MAD1L1: variants seen among roughly 807,000 people sequenced by gnomAD.
The protein encoded by MAD1L1 is mitotic arrest deficient 1 like 1, also known as mitotic spindle assembly checkpoint protein MAD1.
MAD1L1 carries 95 observed loss-of-function variants against 96.9 expected under a neutral mutation model. The observed-to-expected ratio is 0.98, with a 90% confidence interval of 0.83 to 1.16. The LOEUF is 1.16. Ranked by LOEUF, MAD1L1 falls within the 50% of genes most tolerant of loss-of-function variation. MAD1L1 has a pLI of 0.00. For synonymous variants in MAD1L1, 473 were observed against 396.6 expected (o/e 1.19, Z -2.29); for missense variants, 1,007 against 954.4 (o/e 1.06, Z -0.73).
At chr7:2,217,544 G>C (rs1460947178) in intron 7 of MAD1L1, among the ~76,000 whole-genome samples, 1 of 152,188 alleles carries the variant, frequency 6.6e-6, no homozygotes, top group Non-Finnish European at 1.5e-5. Flanking sequence ...GAGGGATCTG[G>C]AGTCAACGTC....
At chr7:2,183,928 T>A (rs1791329376) in intron 10 of MAD1L1, among the ~76,000 whole-genome samples, 1 of 151,080 alleles carries the variant, frequency 6.6e-6, no homozygotes, top group Non-Finnish European at 1.5e-5. Context: ...AAAATAAAAA[T>A]AAAAATAAAA....
Position 2,149,634 on chromosome 7 carries a change from C to G in MAD1L1, c.987-396G>C, listed in dbSNP as rs956136266. ...CCTTCAGAAGACCCACATATAACAA[C>G]AAGAGTAAAATCAGCGATCTCCAGG... On this transcript the variant is annotated intron_variant, in intron 10 of 18. Transcript: ENST00000265854. Among the ~76,000 whole-genome samples, 17 of 152,202 alleles carry G rather than the reference C, an allele frequency of 1.1e-4. 1 individual carries two copies. Among genetic ancestry groups the G allele is most frequent in the African/African-American group, 4.1e-4 (17 of 41,452 alleles).
intron 12 of MAD1L1, among the ~76,000 whole-genome samples, chr7:2,037,381 T>C (rs928544340): frequency 2.6e-5 from 4 of 152,236 alleles, no homozygotes; most frequent in Non-Finnish European, 1.5e-5. Context: ...TCTCCTGGAC[T>C]ACACAGATAC....
intron 12 of MAD1L1, among the ~76,000 whole-genome samples, chr7:2,041,313 C>T (rs565803358): frequency 3.9e-5 from 6 of 152,134 alleles, no homozygotes; most frequent in East Asian, 1.9e-4. Context: ...TCTCAAGGAC[C>T]GAGAGCCAAC....
chr7:1,948,154 C>A (rs1215361296), intron 16 of MAD1L1, among the ~76,000 whole-genome samples: 5 of 152,098 alleles, frequency 3.3e-5, no homozygotes, highest in African/African-American at 1.2e-4. Context: ...GGGAGTGGCC[C>A]GGGGTCACAG....
intron 18 of MAD1L1, among the ~76,000 whole-genome samples, chr7:1,857,946 C>A (rs1045328092): frequency 6.6e-6 from 1 of 152,232 alleles, no homozygotes; most frequent in Non-Finnish European, 1.5e-5. Flanking sequence ...TTCCTCCCGT[C>A]CCCAGGGCCG....
At chr7:2,120,066 T>C (rs1159339254) in intron 11 of MAD1L1, among the ~76,000 whole-genome samples, 2 of 152,184 alleles carry the variant, frequency 1.3e-5, no homozygotes, top group Non-Finnish European at 2.9e-5. Flanking sequence ...AGGTGGCACC[T>C]GCCTTTTCAC....
intron 12 of MAD1L1, among the ~76,000 whole-genome samples, chr7:2,041,098 CAGCACCCCCAGA>C (rs1783653168): frequency 6.6e-6 from 1 of 152,198 alleles, no homozygotes; most frequent in South Asian, 2.1e-4. Context: ...GCCTGAGCTA[CAGCACCCCCAGA>C]GTTCCTGTCG....
intron 11 of MAD1L1, among the ~76,000 whole-genome samples, chr7:2,089,877 C>T (rs1786119713): frequency 6.6e-6 from 1 of 152,314 alleles, no homozygotes; most frequent in South Asian, 2.1e-4. Flanking sequence ...GGCTAACACA[C>T]ACCTGCCATG....
chr7:1,927,929 T>G (rs1257429770), intron 17 of MAD1L1, among the ~76,000 whole-genome samples: 1 of 152,064 alleles, frequency 6.6e-6, no homozygotes. Context: ...CAACTTGGAT[T>G]CACCCCAAAC....
chr7:2,188,265 C>T (rs1443445174), intron 10 of MAD1L1, among the ~76,000 whole-genome samples: 4 of 152,228 alleles, frequency 2.6e-5, no homozygotes, highest in Admixed American at 2.6e-4. Flanking sequence ...CAACACCGCC[C>T]AAAGCCATCT....
At chr7:2,036,265 G>T (rs1783430458) in intron 12 of MAD1L1, among the ~76,000 whole-genome samples, 1 of 98,464 alleles carries the variant, frequency 1.0e-5, no homozygotes, top group Non-Finnish European at 2.1e-5. Flanking sequence ...TGACAAGTCG[G>T]GACAGAGCTG....
intron 11 of MAD1L1, among the ~76,000 whole-genome samples, chr7:2,144,870 A>G (rs3800922): frequency 0.28 from 42,951 of 151,996 alleles, 7,530 homozygotes; most frequent in East Asian, 0.52. Flanking sequence ...GCTCCCCTAC[A>G]CTGCCATGAA....
intron 11 of MAD1L1, among the ~76,000 whole-genome samples, chr7:2,075,725 C>T (rs1423231625): frequency 1.3e-5 from 2 of 152,202 alleles, no homozygotes; most frequent in African/African-American, 4.8e-5. Context: ...CCTAAGAATA[C>T]CGACTTTCAA....
intron 18 of MAD1L1, among the ~76,000 whole-genome samples, chr7:1,895,777 C>A (rs1302146965): frequency 6.6e-6 from 1 of 152,230 alleles, no homozygotes; most frequent in Non-Finnish European, 1.5e-5. Context: ...GGCTTCTGAC[C>A]CAGCACATCC....
chr7:2,030,594 A>T (rs1382226245), intron 12 of MAD1L1, among the ~76,000 whole-genome samples: 1 of 152,214 alleles, frequency 6.6e-6, no homozygotes, highest in Non-Finnish European at 1.5e-5. Flanking sequence ...CGGACCCCGC[A>T]GGAGTGGAAC....
chr7:1,877,399 C>T (rs71523281), intron 18 of MAD1L1, among the ~76,000 whole-genome samples: 1 of 150,088 alleles, frequency 6.7e-6, no homozygotes, highest in African/African-American at 2.5e-5. Flanking sequence ...ATAACTAAAC[C>T]AAAACAGAAG....
intron 18 of MAD1L1, among the ~76,000 whole-genome samples, chr7:1,863,758 G>A (rs959297462): frequency 6.6e-6 from 1 of 152,152 alleles, no homozygotes; most frequent in Non-Finnish European, 1.5e-5. Flanking sequence ...CCGTGCTCCT[G>A]CAGCCCCGTC....
intron 11 of MAD1L1, among the ~76,000 whole-genome samples, chr7:2,125,486 T>C (rs886359666): frequency 6.6e-6 from 1 of 152,166 alleles, no homozygotes; most frequent in Non-Finnish European, 1.5e-5. Context: ...AGGATGAGAC[T>C]GTAACAGGGC....
Sources: gnomAD v4.1 joint callset for allele counts (sites outside exome capture counted in the v4.1 genomes callset) on GRCh38, gnomAD v4.1.1 for gene constraint, MANE v1.5 for transcripts, NCBI Gene and HGNC (gene_info 2026-07-23, HGNC 2026-07-21) for gene names.